MDGA1: variants seen among roughly 807,000 people sequenced by gnomAD.
MDGA1 encodes MAM domain containing glycosylphosphatidylinositol anchor 1, also known as MAM domain-containing glycosylphosphatidylinositol anchor protein 1.
In MDGA1, 54 loss-of-function variants were observed where a neutral mutation model predicts 101.5. That is an observed-to-expected ratio of 0.53 (90% CI 0.43 to 0.67). The LOEUF (loss-of-function observed/expected upper bound fraction) is 0.67. MDGA1 is among the 30% of genes least tolerant of loss of function. The pLI, the probability that MDGA1 is intolerant of heterozygous loss-of-function variation, is 0.00. For missense variants in MDGA1, 1,083 were observed against 1,323.8 expected (o/e 0.82, Z 2.82); for synonymous variants, 533 against 558.3 (o/e 0.95, Z 0.64).
At position 37,696,848 on chromosome 6, in the gene MDGA1, A is replaced by T. The variant is rs979341350; in HGVS notation, c.-37T>A. 2.6e-6 allele frequency: 4 copies of T among 1,543,542 alleles called. No individual in the cohort carries two copies. The African/African-American group carries it at 5.5e-5, about 21-fold the overall frequency. ...GTGCTTCATCCCCGCGAGGCGGCGC[A>T]GCCCGAGAGGCGGCGGGGGGCGCAT... On this transcript the variant is annotated 5_prime_UTR_variant, in exon 1 of 17. Transcript: ENST00000434837. The surrounding 1 kb of genome is among the most constrained non-coding windows in gnomAD (Gnocchi z 5.6).
At chr6:37,660,947 G>A (rs1459505999) in intron 2 of MDGA1, among the ~76,000 whole-genome samples, 1 of 152,138 alleles carries the variant, frequency 6.6e-6, no homozygotes, top group East Asian at 1.9e-4. Flanking sequence ...ACATTTTTAT[G>A]TTGGTTTCTC....
chr6:37,675,186 G>A (rs1013451179), intron 1 of MDGA1, among the ~76,000 whole-genome samples: 2 of 152,202 alleles, frequency 1.3e-5, no homozygotes, highest in African/African-American at 4.8e-5. Context: ...TGAGAGGGCT[G>A]CTCAACGGCA....
intron 7 of MDGA1, 35 bp downstream of exon 7, chr6:37,651,976 C>A (rs1010526666): frequency 1.3e-6 from 2 of 1,501,398 alleles, no homozygotes; most frequent in Non-Finnish European, 1.8e-6. Context: ...TCTCCACCCC[C>A]CTCACATTTC....
intron 1 of MDGA1, among the ~76,000 whole-genome samples, chr6:37,682,589 G>T (rs763186501): frequency 1.2e-4 from 18 of 152,140 alleles, no homozygotes; most frequent in Non-Finnish European, 2.4e-4. Context: ...CCCCCTCTCT[G>T]CTGTGTGGCC....
In MDGA1 at chr6:37,654,278, C is replaced by CA; in HGVS notation, c.977dup (p.Arg327AlafsTer13). On this transcript the variant is annotated frameshift_variant, in exon 6 of 17. Transcript: ENST00000434837. LOFTEE classifies it high-confidence loss of function. ...ACCCCTTCTGAGGCCACGTACATCG[C>CA]ACCAGCAGGTTGACAGTCTTCTTGG... 1 of 1,545,296 alleles carries CA rather than the reference C, an allele frequency of 6.5e-7. No individual in the cohort carries two copies. Among genetic ancestry groups the CA allele is most frequent in the Non-Finnish European group, 8.7e-7 (1 of 1,144,900 alleles).
intron 3 of MDGA1, among the ~76,000 whole-genome samples, chr6:37,657,917 C>A (rs1000437087): frequency 1.3e-5 from 2 of 151,760 alleles, no homozygotes; most frequent in African/African-American, 4.9e-5. Flanking sequence ...CTGTGTCTTC[C>A]TCTCAGCTCT....
intron 1 of MDGA1, among the ~76,000 whole-genome samples, chr6:37,675,384 A>G (rs1761958036): frequency 6.6e-6 from 1 of 152,214 alleles, no homozygotes; most frequent in African/African-American, 2.4e-5. Context: ...CACATCGGGT[A>G]CATCACACAG....
intron 2 of MDGA1, among the ~76,000 whole-genome samples, chr6:37,663,622 A>G (rs565520126): frequency 9.7e-4 from 148 of 152,358 alleles, no homozygotes; most frequent in Non-Finnish European, 1.8e-3. Flanking sequence ...ACACTGGAGA[A>G]AGTGTCTGGC....
rs45539335 is a variant in MDGA1, at chr6:37,644,095, A to G, written c.2402-152T>C. Among the ~76,000 whole-genome samples the G allele has an allele frequency of 2.3e-3, 310 of 132,002 alleles. 3 individuals carry two copies. Among genetic ancestry groups the G allele is most frequent in the African/African-American group, 6.8e-3 (224 of 33,136 alleles). 86.6% of individuals were successfully genotyped at this position (132,002 alleles called of 152,430 possible). On this transcript the variant is annotated intron_variant, in intron 13 of 16. Transcript: ENST00000434837. ...CCCCACGCATCCTGCCTCACCCCACACATCCTGCCTCACCCCACGCATCCT... is the reference window on the plus strand; with the variant it reads ...CCCCACGCATCCTGCCTCACCCCACGCATCCTGCCTCACCCCACGCATCCT...
intron 14 of MDGA1, among the ~76,000 whole-genome samples, chr6:37,641,537 C>T (rs563147096): frequency 2.7e-4 from 41 of 152,322 alleles, no homozygotes; most frequent in African/African-American, 8.4e-4. Context: ...CTTTCGCTAT[C>T]TTGACCAAGT....
rs1345407484 is a variant in MDGA1 at position 37,649,350 on chromosome 6, C to T, written c.1610-84G>A. On this transcript the variant is annotated intron_variant, in intron 8 of 16. Coordinates refer to ENST00000434837, the MANE Select transcript of MDGA1 (RefSeq NM_153487.4). ...GGCCCGTGGGGAGGCAACGCGCTCG[C>T]CTCTAATGCCGTGAGCCCCCGCCAG... 7.2e-6 allele frequency: 10 copies of T among 1,397,790 alleles called. No individual in the cohort carries two copies. The South Asian group carries it at 9.4e-5, about 13-fold the overall frequency. 86.6% of individuals were successfully genotyped at this position (1,397,790 alleles called of 1,614,324 possible).
chr6:37,649,964 G>C, intron 8 of MDGA1, 145 bp downstream of exon 8: 1 of 884,266 alleles, frequency 1.1e-6, no homozygotes, highest in African/African-American at 1.6e-5. Flanking sequence ...CTACAGCATG[G>C]GGCTGTCAAG....
At chr6:37,675,011 C>T (rs1052252078) in intron 1 of MDGA1, among the ~76,000 whole-genome samples, 35 of 152,152 alleles carry the variant, frequency 2.3e-4, no homozygotes, top group African/African-American at 8.4e-4. Context: ...GGGCCGAGAT[C>T]GTGCCATTGC....
chr6:37,649,403 G>T, intron 8 of MDGA1, 137 bp from the exon 9 acceptor site: 2 of 1,361,642 alleles, frequency 1.5e-6, no homozygotes, highest in Non-Finnish European at 1.9e-6. Context: ...ATGCACACTC[G>T]CAACACATCC....
At chr6:37,647,069 T>G in intron 10 of MDGA1, 104 bp downstream of exon 10, 1 of 1,087,286 alleles carries the variant, frequency 9.2e-7, no homozygotes, top group East Asian at 2.6e-5. Context: ...GGTCAACGTG[T>G]CTAAGCCCCA....
At chr6:37,662,273 G>A (rs978954678) in intron 2 of MDGA1, among the ~76,000 whole-genome samples, 1 of 151,988 alleles carries the variant, frequency 6.6e-6, no homozygotes, top group Admixed American at 6.6e-5. Context: ...ACCCAGAGGG[G>A]TAATGAAGAA....
In MDGA1 at chr6:37,636,465, G is replaced by A. The variant is rs887252868; in HGVS notation, c.*903C>T. 5 of 152,214 alleles carry A rather than the reference G, an allele frequency of 3.3e-5. No individual in the cohort carries two copies. The highest frequency in any genetic ancestry group is 7.3e-5 in the Non-Finnish European group (5 of 68,048). 9.4% of individuals were successfully genotyped at this position (152,214 alleles called of 1,614,324 possible). ...GGGCACCAAATCACAGAAGCGGGACGTCTCTTCTGCCTTTCTCCAAGTCAA... is the reference window on the plus strand; with the variant it reads ...GGGCACCAAATCACAGAAGCGGGACATCTCTTCTGCCTTTCTCCAAGTCAA... On this transcript the variant is annotated 3_prime_UTR_variant, in exon 17 of 17. Coordinates refer to ENST00000434837, the MANE Select transcript of MDGA1 (RefSeq NM_153487.4).
intron 1 of MDGA1, among the ~76,000 whole-genome samples, chr6:37,677,159 T>A (rs1761998445): frequency 6.6e-6 from 1 of 152,118 alleles, no homozygotes. Flanking sequence ...AAATTGGAAG[T>A]TAAAAAGCAG....
intron 1 of MDGA1, among the ~76,000 whole-genome samples, chr6:37,671,482 C>G (rs1367931949): frequency 6.6e-6 from 1 of 152,240 alleles, no homozygotes; most frequent in Non-Finnish European, 1.5e-5. Flanking sequence ...TGGCCTGAGA[C>G]ATGTCACCCT....
Sources: allele counts gnomAD v4.1 joint callset (sites outside exome capture counted in the v4.1 genomes callset), GRCh38; gene constraint gnomAD v4.1.1; non-coding constraint Gnocchi (gnomAD v3.1); transcripts MANE v1.5; gene names NCBI Gene and HGNC (gene_info 2026-07-23, HGNC 2026-07-21).